PRAMEF5: variants seen among roughly 807,000 people sequenced by gnomAD.
The protein encoded by PRAMEF5 is PRAME family member 5.
In PRAMEF5, 5 loss-of-function variants were observed where a neutral mutation model predicts 16.4. The ratio of observed to expected loss-of-function variants is 0.30; its 90% CI spans 0.16 to 0.64. The LOEUF (loss-of-function observed/expected upper bound fraction) is 0.64. PRAMEF5 is among the 30% of genes least tolerant of loss of function. The pLI is 0.80. For synonymous variants in PRAMEF5, 19 were observed against 107.3 expected (o/e 0.18, Z 5.09); for missense variants, 36 against 282.9 (o/e 0.13, Z 6.26).
At chr1:13,263,424 A>T (rs2100228449), downstream of PRAMEF5, 5 of 507,734 alleles carry the variant, frequency 9.8e-6, no homozygotes, top group African/African-American at 9.3e-5. Context: ...TCAGAAATAA[A>T]GGAAAACTGA....
chr1:13,261,719 G>C (rs1440527918), intron 3 of PRAMEF5: 35 of 4,876 alleles, frequency 7.2e-3, no homozygotes, highest in South Asian at 0.016. Context: ...CTCTAATTCC[G>C]TGTTGTAAAA....
chr1:13,260,349 C>G, exon 3 of PRAMEF5: 2 of 1,593,836 alleles, frequency 1.3e-6, no homozygotes, highest in Non-Finnish European at 1.7e-6. Context: ...GCAGGACTGT[C>G]CAAGGATGAG....
At chr1:13,255,967 A>G (rs1460323002) in intron 1 of PRAMEF5, 1 of 145,790 alleles carries the variant, frequency 6.9e-6, no homozygotes, top group Non-Finnish European at 1.5e-5. Context: ...ATTTTAGTAG[A>G]GGTAGGGTTT....
intron 1 of PRAMEF5, chr1:13,255,825 A>AGGC (rs1639315934): frequency 7.6e-6 from 1 of 131,560 alleles, no homozygotes; most frequent in Non-Finnish European, 1.7e-5. Flanking sequence ...CCTATTTCCC[A>AGGC]GGCTGGAGTT....
chr1:13,260,301 G>A (rs1309433634), exon 3 of PRAMEF5: 8 of 1,583,720 alleles, frequency 5.1e-6, no homozygotes, highest in African/African-American at 1.3e-5. Context: ...TATGGCCCAT[G>A]GGTGCTTCCT....
At chr1:13,258,636 G>C (rs1198379145) in intron 1 of PRAMEF5, 1 of 160,590 alleles carries the variant, frequency 6.2e-6, no homozygotes, top group Non-Finnish European at 1.4e-5. Flanking sequence ...GAAAGAGAGA[G>C]AGAATGAGAG....
At chr1:13,262,038 A>T in intron 3 of PRAMEF5, 1 of 146,964 alleles carries the variant, frequency 6.8e-6, no homozygotes. Flanking sequence ...TGGTGAAGTG[A>T]CTCAGCCTCA....
At chr1:13,260,863 T>C (rs2100218083) in intron 3 of PRAMEF5, 60 bp downstream of exon 3, 2 of 234,186 alleles carry the variant, frequency 8.5e-6, no homozygotes, top group South Asian at 3.1e-5. Flanking sequence ...CAGTAAACGC[T>C]AGTGGGCATC....
At chr1:13,259,837 G>A (rs1639364860) in intron 2 of PRAMEF5, 2 of 289,602 alleles carry the variant, frequency 6.9e-6, no homozygotes, top group African/African-American at 5.6e-5. Flanking sequence ...GGAGGCTGAG[G>A]CCAAGAGTTG....
intron 3 of PRAMEF5, chr1:13,261,151 G>A (rs1553119283): frequency 7.3e-3 from 58 of 7,986 alleles, no homozygotes; most frequent in South Asian, 0.012. Context: ...GCTCATGCCT[G>A]TAATCCTAGC....
Position 13,263,298 on chromosome 1 carries a change from T to C in PRAMEF5, c.*187T>C, listed in dbSNP as rs1478618682. ...GGGGGAAGTGTTGCCATGGATTCGA[T>C]GGGACTTTGGGGACCTGTGTCCTGT... On this transcript the variant is annotated 3_prime_UTR_variant, in exon 4 of 4. Coordinates refer to ENST00000622421, the Ensembl canonical transcript of PRAMEF5. The C allele has an allele frequency of 2.3e-5, 15 of 661,306 alleles. 2 individuals are homozygous for C. The highest frequency in any genetic ancestry group is 3.4e-5 in the Non-Finnish European group (13 of 383,752). 41.0% of individuals were successfully genotyped at this position (661,306 alleles called of 1,614,324 possible). A position where few individuals can be genotyped will look rare whatever the true frequency, so the allele number is the denominator to read the frequency against.
chr1:13,263,391 G>C (rs79881666), downstream of PRAMEF5: 81,686 of 582,302 alleles, frequency 0.14, 5,907 homozygotes, highest in Middle Eastern at 0.18. Flanking sequence ...GTTACTCTTG[G>C]ATGCATGGTT....
chr1:13,262,041 C>G (rs1639398145), intron 3 of PRAMEF5: 1 of 154,144 alleles, frequency 6.5e-6, no homozygotes, highest in Non-Finnish European at 1.4e-5. Flanking sequence ...TGAAGTGACT[C>G]AGCCTCAAAT....
chr1:13,263,361 G>C (rs1289633587), downstream of PRAMEF5: 1 of 633,224 alleles, frequency 1.6e-6, no homozygotes, highest in Non-Finnish European at 2.7e-6. Flanking sequence ...TAGAGTGGAG[G>C]CTTGAGAATA....
chr1:13,259,990 A>G, intron 2 of PRAMEF5: 3 of 569,962 alleles, frequency 5.3e-6, no homozygotes, highest in Non-Finnish European at 9.1e-6. Flanking sequence ...CAGAGGTTGC[A>G]GTGAGGTGAC....
downstream of PRAMEF5, chr1:13,263,337 G>T (rs1475747696): frequency 1.3e-4 from 79 of 607,132 alleles, no homozygotes; most frequent in African/African-American, 1.4e-3. Flanking sequence ...GTGGAAAATG[G>T]GAATTTGAAT....
intron 2 of PRAMEF5, 143 bp from the exon 3 acceptor site, chr1:13,260,079 C>T (rs1553173656): frequency 0.057 from 74,251 of 1,301,474 alleles, 514 homozygotes; most frequent in African/African-American, 0.21. Context: ...TGGAAGTGGG[C>T]AGGATCCAAG....
At position 13,259,565 on chromosome 1, in the gene PRAMEF5, C is replaced by T. The variant is rs1245858409; in HGVS notation, c.287+10C>T. ...AAGGGGTTCATCCCAGGTGAGGTGG[C>T]CCAGGTGGGCTGGTGGGGAGGGCCC... On this transcript the variant is annotated intron_variant, in intron 2 of 3. Transcript: ENST00000622421. 2.7e-5 allele frequency: 1 copy of T among 37,260 alleles called. No individual in the cohort carries two copies. The highest frequency in any genetic ancestry group is 4.4e-5 in the Non-Finnish European group (1 of 22,642). 2.3% of individuals were successfully genotyped at this position (37,260 alleles called of 1,614,324 possible).
At position 13,260,189 on chromosome 1, in the gene PRAMEF5, G is replaced by C; in HGVS notation, c.288-33G>C. 4 of 1,562,484 alleles carry C rather than the reference G, an allele frequency of 2.6e-6. No individual in the cohort carries two copies. In the South Asian group the frequency reaches 4.5e-5, roughly 18 times the overall value. On this transcript the variant is annotated intron_variant, in intron 2 of 3. Transcript: ENST00000622421. ...GAGTTTAAGTTCAGAAATGAGTTCTGAAATTCTCATTCTCACCTCTATTTT... is the reference window on the plus strand; with the variant it reads ...GAGTTTAAGTTCAGAAATGAGTTCTCAAATTCTCATTCTCACCTCTATTTT...
Sources: allele counts gnomAD v4.1 joint callset, GRCh38; gene constraint gnomAD v4.1.1; transcripts MANE v1.5; gene names NCBI Gene and HGNC (gene_info 2026-07-23, HGNC 2026-07-21).